DOCK9: variants seen among roughly 807,000 people sequenced by gnomAD.
DOCK9 encodes dedicator of cytokinesis 9, also known as dedicator of cytokinesis protein 9.
A neutral mutation model predicts 263.3 loss-of-function variants in DOCK9; 89 were observed. The ratio of observed to expected loss-of-function variants is 0.34; its 90% CI spans 0.28 to 0.40. The LOEUF (loss-of-function observed/expected upper bound fraction) is 0.40. Ranked by LOEUF, DOCK9 falls within the 10% of genes least tolerant of loss-of-function variation. The pLI is 1.00. For missense variants in DOCK9, 2,140 were observed against 2,603.4 expected, an observed-to-expected ratio of 0.82 and a Z score of 3.87; for synonymous variants, 976 against 973.1, an observed-to-expected ratio of 1.00 and a Z score of -0.06.
chr13:98,975,510 A>C (rs1279817600), intron 1 of DOCK9, among the ~76,000 whole-genome samples: 2 of 106,018 alleles, frequency 1.9e-5, no homozygotes, highest in Admixed American at 8.9e-5. Flanking sequence ...CACACACACA[A>C]GTTATACTGT....
chr13:98,949,943 GCTGT>G (rs2057209533), intron 2 of DOCK9: 1 of 486,238 alleles, frequency 2.1e-6, no homozygotes, highest in African/African-American at 2.0e-5. Context: ...CAATTGCTGT[GCTGT>G]CTGTCAGAGG....
chr13:98,918,801 CAAGA>C (rs1236443814), intron 7 of DOCK9, among the ~76,000 whole-genome samples: 1 of 152,084 alleles, frequency 6.6e-6, no homozygotes, highest in Non-Finnish European at 1.5e-5. Flanking sequence ...GAAAGTAGAA[CAAGA>C]AAGAGGAAGG....
At chr13:99,076,462 TACAG>T (rs1319111102) in intron 1 of DOCK9, among the ~76,000 whole-genome samples, 2 of 152,234 alleles carry the variant, frequency 1.3e-5, no homozygotes, top group Non-Finnish European at 2.9e-5. Context: ...CATACGGATT[TACAG>T]ACAATCTGAA....
chr13:98,955,700 G>T (rs2057972891), intron 1 of DOCK9, 149 bp from the exon 2 acceptor site: 7 of 594,054 alleles, frequency 1.2e-5, no homozygotes, highest in Non-Finnish European at 2.1e-5. Flanking sequence ...AATAAGAGTT[G>T]TTTCCAAAGG....
At chr13:99,009,213 C>T (rs1262946997) in intron 1 of DOCK9, among the ~76,000 whole-genome samples, 1 of 152,208 alleles carries the variant, frequency 6.6e-6, no homozygotes, top group African/African-American at 2.4e-5. Context: ...CACACATTGG[C>T]TGCACTCAAA....
rs71419743 is a variant in DOCK9, at chr13:99,038,288, C to CTTTTT, written c.129+47930_129+47934dup. Reference sequence around the variant, plus strand: ...GCTGAAAAACTGGCTTTATGCCCCCCTTTTTTTTTTTTTTTTTTTTTTTTT... The same window carrying CTTTTT: ...GCTGAAAAACTGGCTTTATGCCCCCCTTTTTTTTTTTTTTTTTTTTTTTTTTTTTT... On this transcript the variant is annotated intron_variant, in intron 1 of 32. Transcript: ENST00000427887. Among the ~76,000 whole-genome samples the CTTTTT allele has an allele frequency of 1.4e-3, 118 of 86,254 alleles. 3 individuals carry two copies. The highest frequency in any genetic ancestry group is 1.6e-3 in the Non-Finnish European group (72 of 45,960). The allele number at this position is 86,254 out of a possible 152,430, so 56.6% of individuals were successfully genotyped here. A position where few individuals can be genotyped will look rare whatever the true frequency, so the allele number is the denominator to read the frequency against.
intron 45 of DOCK9, among the ~76,000 whole-genome samples, chr13:98,819,443 C>T (rs2092122655): frequency 6.6e-6 from 1 of 152,220 alleles, no homozygotes; most frequent in Non-Finnish European, 1.5e-5. Context: ...TGTTTCTCCT[C>T]AGAGGGCAGA....
Position 99,041,542 on chromosome 13 carries a change from T to TC in DOCK9, c.129+44680dup, listed in dbSNP as rs1221037008. On this transcript the variant is annotated intron_variant, in intron 1 of 32. Coordinates refer to the DOCK9 transcript ENST00000427887. Reference sequence around the variant, plus strand: ...GAACTACATTGTCTAAAACCATCAATCCCCAGAGGTGGACAGCTAGTGCAG... The same window carrying TC: ...GAACTACATTGTCTAAAACCATCAATCCCCCAGAGGTGGACAGCTAGTGCAG... Among the ~76,000 whole-genome samples, 6 of 150,966 alleles carry TC rather than the reference T, an allele frequency of 4.0e-5. No individual in the cohort carries two copies. The East Asian group carries it at 1.2e-3, about 30-fold the overall frequency.
In DOCK9 at chr13:98,880,542, C is replaced by G. The variant is rs746482007; in HGVS notation, c.2871+5G>C. 2 of 1,613,838 alleles carry G rather than the reference C, an allele frequency of 1.2e-6. No individual in the cohort carries two copies. Among genetic ancestry groups the G allele is most frequent in the South Asian group, 2.2e-5 (2 of 91,022 alleles). ...ATCAGAGCCACACTGACTCTCCTGA[C>G]ATACCTTCAGTAGTTTGTTGCTGGT... On this transcript the variant is annotated splice_donor_5th_base_variant and intron_variant, in intron 26 of 52. Coordinates refer to ENST00000682017, the MANE Select transcript of DOCK9 (RefSeq NM_001366683.2).
intron 8 of DOCK9, 36 bp from the exon 9 acceptor site, chr13:98,914,431 A>T: frequency 6.4e-7 from 1 of 1,562,744 alleles, no homozygotes; most frequent in East Asian, 2.3e-5. Flanking sequence ...AATCACTTGT[A>T]ATTCATAGCA....
chr13:98,884,368 G>C (rs1180749930), intron 21 of DOCK9, among the ~76,000 whole-genome samples: 3 of 152,150 alleles, frequency 2.0e-5, no homozygotes, highest in African/African-American at 7.2e-5. Context: ...ATTCTTCTTT[G>C]GGAAAATTTA....
chr13:98,860,491 G>T lies in DOCK9; in HGVS notation c.3611C>A (p.Ala1204Asp). The T allele has an allele frequency of 6.3e-7, 1 of 1,578,842 alleles. No homozygotes were observed. Among genetic ancestry groups the T allele is most frequent in the Non-Finnish European group, 8.6e-7 (1 of 1,160,916 alleles). ...CTGCGGCGTCACCAGCGGATTCACA[G>T]CTGGTAGAGCCAGGGATTCATCCTT... ...TVKDESLALP[A>D]VNPLVTPQKG... Residue 1204 changes from alanine (A) to aspartate (D), a missense_variant, in exon 33 of 53, where the codon GCT becomes GAT. Around this residue, in one of 2 missense-constraint regions of DOCK9, gnomAD observed 1,521 missense variants for 1,741.7 expected, o/e 0.87. Transcript: ENST00000682017.
intron 1 of DOCK9, among the ~76,000 whole-genome samples, chr13:98,969,116 T>G (rs868362254): frequency 1.3e-5 from 2 of 152,054 alleles, no homozygotes; most frequent in Non-Finnish European, 2.9e-5. Context: ...CAGGAAGGGG[T>G]TTGACTCTGG....
At chr13:98,902,901 G>T in intron 11 of DOCK9, 71 bp downstream of exon 11, 1 of 1,338,576 alleles carries the variant, frequency 7.5e-7, no homozygotes, top group Non-Finnish European at 9.9e-7. Context: ...TATCCAGGCT[G>T]CACTGTAAAG....
At chr13:99,065,926 G>A (rs1009435206) in intron 1 of DOCK9, among the ~76,000 whole-genome samples, 1 of 152,114 alleles carries the variant, frequency 6.6e-6, no homozygotes, top group Non-Finnish European at 1.5e-5. Context: ...ATGCATGTAC[G>A]AAATTTAAAA....
chr13:98,905,711 A>C (rs2048985539), intron 9 of DOCK9, among the ~76,000 whole-genome samples: 1 of 152,146 alleles, frequency 6.6e-6, no homozygotes, highest in African/African-American at 2.4e-5. Context: ...AGCAGCCCAC[A>C]GGGCTGCTTT....
At chr13:98,878,645 C>T (rs2044249091) in intron 27 of DOCK9, among the ~76,000 whole-genome samples, 1 of 152,232 alleles carries the variant, frequency 6.6e-6, no homozygotes, top group Non-Finnish European at 1.5e-5. Flanking sequence ...TGGAGCATTT[C>T]TCTGTAGAAG....
chr13:98,957,182 G>A (rs932553286), intron 1 of DOCK9, among the ~76,000 whole-genome samples: 15 of 152,194 alleles, frequency 9.9e-5, no homozygotes, highest in South Asian at 4.1e-4. Context: ...TGGAGCCTAA[G>A]ATGGAAAGAG....
In DOCK9 at chr13:98,794,851, T is replaced by G. The variant is rs2089156986; in HGVS notation, c.6157-103A>C. On this transcript the variant is annotated intron_variant, in intron 52 of 52. Coordinates refer to ENST00000682017, the MANE Select transcript of DOCK9 (RefSeq NM_001366683.2). ...AATGTTACCAAGTGTAACAAAATGTTACAGAGTTTAAGGCAATGTTGCCAC... is the reference window on the plus strand; with the variant it reads ...AATGTTACCAAGTGTAACAAAATGTGACAGAGTTTAAGGCAATGTTGCCAC... 2.2e-6 allele frequency: 3 copies of G among 1,362,712 alleles called. No individual in the cohort carries two copies. In the South Asian group the frequency reaches 3.9e-5, roughly 18 times the overall value. The allele number at this position is 1,362,712 out of a possible 1,614,324, so 84.4% of individuals were successfully genotyped here.
Sources: allele counts gnomAD v4.1 joint callset (sites outside exome capture counted in the v4.1 genomes callset), GRCh38; gene constraint gnomAD v4.1.1; regional missense constraint gnomAD v4.1.1; transcripts MANE v1.5; gene names NCBI Gene and HGNC (gene_info 2026-07-23, HGNC 2026-07-21).